The following CNTNAP2 variants were observed in gnomAD, a reference collection of about 807,000 sequenced individuals.
CNTNAP2 encodes contactin-associated protein-like 2.
Under a neutral mutation model 155.2 loss-of-function variants are expected in CNTNAP2, and 98 were observed. The observed-to-expected ratio is 0.63, with a 90% confidence interval of 0.54 to 0.75. The LOEUF (loss-of-function observed/expected upper bound fraction) is 0.75. Among genes scored for constraint, CNTNAP2 ranks in the 30% least tolerant of loss-of-function variants. The pLI, the probability that CNTNAP2 is intolerant of heterozygous loss-of-function variation, is 0.00. For synonymous variants in CNTNAP2, 651 were observed against 631.2 expected, an observed-to-expected ratio of 1.03 and a Z score of -0.47; for missense variants, 1,727 against 1,688.1, an observed-to-expected ratio of 1.02 and a Z score of -0.40.
At chr7:147,083,553 T>C (rs991787597) in intron 4 of CNTNAP2, among the ~76,000 whole-genome samples, 2 of 128,892 alleles carry the variant, frequency 1.6e-5, no homozygotes, top group Non-Finnish European at 3.1e-5. Flanking sequence ...TATATATGTA[T>C]ATATATATAT....
At chr7:146,306,978 C>A (rs1263397748) in intron 1 of CNTNAP2, among the ~76,000 whole-genome samples, 2 of 152,214 alleles carry the variant, frequency 1.3e-5, no homozygotes, top group Admixed American at 6.5e-5. Context: ...AAGTTCTGGC[C>A]AGGGCAATCA....
chr7:147,017,712 C>A (rs1355883313), intron 3 of CNTNAP2, among the ~76,000 whole-genome samples: 1 of 149,414 alleles, frequency 6.7e-6, no homozygotes, highest in Non-Finnish European at 1.5e-5. Flanking sequence ...GTCTAAATTT[C>A]AAAATGTTAA....
At chr7:146,851,103 G>A (rs1001321383) in intron 3 of CNTNAP2, among the ~76,000 whole-genome samples, 2 of 152,064 alleles carry the variant, frequency 1.3e-5, no homozygotes, top group African/African-American at 4.8e-5. Flanking sequence ...TCCTGCTTCA[G>A]CCTCCTGAGT....
At chr7:147,680,855 TAAC>T (rs201744969) in intron 13 of CNTNAP2, among the ~76,000 whole-genome samples, 2,464 of 151,778 alleles carry the variant, frequency 0.016, 217 homozygotes, top group Admixed American at 0.15. Flanking sequence ...AAATATATAA[TAAC>T]ATATTAGTCA....
intron 1 of CNTNAP2, among the ~76,000 whole-genome samples, chr7:146,186,668 A>G (rs1232172179): frequency 6.6e-6 from 1 of 152,138 alleles, no homozygotes; most frequent in African/African-American, 2.4e-5. Context: ...CCTTGGTCAC[A>G]TTCTTTTTTC....
At chr7:146,947,429 TAC>T (rs1218965430) in intron 3 of CNTNAP2, among the ~76,000 whole-genome samples, 2 of 130,342 alleles carry the variant, frequency 1.5e-5, no homozygotes, top group Admixed American at 7.7e-5. Context: ...TATATATATA[TAC>T]ATACACACAC....
chr7:147,263,625 T>A (rs561519310), intron 8 of CNTNAP2, among the ~76,000 whole-genome samples: 32 of 152,278 alleles, frequency 2.1e-4, no homozygotes, highest in Admixed American at 5.9e-4. Context: ...GGTATTAGAG[T>A]GAGGTTACAG....
chr7:147,302,989 G>A (rs549425145), intron 9 of CNTNAP2, among the ~76,000 whole-genome samples: 58 of 152,326 alleles, frequency 3.8e-4, no homozygotes, highest in African/African-American at 1.3e-3. Flanking sequence ...AAGCAGCGAC[G>A]CTGAATGGTG....
chr7:148,276,254 T>C (rs1373602070), intron 21 of CNTNAP2, among the ~76,000 whole-genome samples: 1 of 152,058 alleles, frequency 6.6e-6, no homozygotes, highest in African/African-American at 2.4e-5. Flanking sequence ...TATAAGAAGT[T>C]TACCTGGGAG....
intron 3 of CNTNAP2, among the ~76,000 whole-genome samples, chr7:147,030,435 T>G (rs1489598162): frequency 6.6e-6 from 1 of 152,222 alleles, no homozygotes; most frequent in Non-Finnish European, 1.5e-5. Context: ...CCAGAAATTT[T>G]AAAGCCAAAT....
At chr7:148,017,287 G>A (rs1033620684) in intron 15 of CNTNAP2, among the ~76,000 whole-genome samples, 4 of 152,088 alleles carry the variant, frequency 2.6e-5, no homozygotes, top group Non-Finnish European at 5.9e-5. Flanking sequence ...GACGAACTGT[G>A]GTAACAGCAG....
intron 17 of CNTNAP2, among the ~76,000 whole-genome samples, chr7:148,166,272 TG>T (rs1227287829): frequency 4.6e-5 from 7 of 152,234 alleles, no homozygotes; most frequent in African/African-American, 7.2e-5. Flanking sequence ...TTGTGTGTTT[TG>T]CTTCAATACT....
intron 1 of CNTNAP2, among the ~76,000 whole-genome samples, chr7:146,168,325 A>G (rs1235687044): frequency 6.6e-6 from 1 of 152,140 alleles, no homozygotes; most frequent in Non-Finnish European, 1.5e-5. Flanking sequence ...TACATTCCCT[A>G]TCCTATAGAT....
chr7:147,688,505 C>A (rs1257033752), intron 13 of CNTNAP2, among the ~76,000 whole-genome samples: 1 of 152,132 alleles, frequency 6.6e-6, no homozygotes, highest in African/African-American at 2.4e-5. Flanking sequence ...CCCAGAACAG[C>A]CTATCAGGTC....
intron 1 of CNTNAP2, among the ~76,000 whole-genome samples, chr7:146,631,524 A>T (rs776829535): frequency 6.6e-6 from 1 of 152,214 alleles, no homozygotes; most frequent in African/African-American, 2.4e-5. Flanking sequence ...CCTTCTGAGT[A>T]TTTGATGAAT....
In CNTNAP2 at chr7:148,418,008, A is replaced by G. The variant is rs1800033015; in HGVS notation, c.*2392A>G. 6.6e-6 allele frequency: 1 copy of G among 152,204 alleles called. No homozygotes were observed. The highest frequency in any genetic ancestry group is 2.4e-5 in the African/African-American group (1 of 41,440). The allele number at this position is 152,204 out of a possible 1,614,324, so 9.4% of individuals were successfully genotyped here. On this transcript the variant is annotated 3_prime_UTR_variant, in exon 24 of 24. Transcript: ENST00000361727. ...CAGTGGTTCTCCCATATCACCATCA[A>G]TTAAGACATATAGGACACTGTCTTC...
At chr7:147,474,583 GA>G (rs796512433) in intron 10 of CNTNAP2, among the ~76,000 whole-genome samples, 28 of 145,532 alleles carry the variant, frequency 1.9e-4, no homozygotes, top group Admixed American at 4.1e-4. Flanking sequence ...GATTTTGTCT[GA>G]AAAAAAAAAC....
intron 1 of CNTNAP2, among the ~76,000 whole-genome samples, chr7:146,270,157 G>T (rs1278862152): frequency 6.6e-6 from 1 of 152,060 alleles, no homozygotes; most frequent in African/African-American, 2.4e-5. Flanking sequence ...TTTAAATTAG[G>T]AGTCTAATCA....
chr7:146,222,899 T>G (rs947418697), intron 1 of CNTNAP2, among the ~76,000 whole-genome samples: 2 of 151,960 alleles, frequency 1.3e-5, no homozygotes, highest in South Asian at 2.1e-4. Context: ...GACCTCATGA[T>G]CCGCCCGCCT....
Sources: gnomAD v4.1 joint callset for allele counts (sites outside exome capture counted in the v4.1 genomes callset) on GRCh38, gnomAD v4.1.1 for gene constraint, MANE v1.5 for transcripts, NCBI Gene and HGNC (gene_info 2026-07-23, HGNC 2026-07-21) for gene names.